MACF1: variants seen among roughly 807,000 people sequenced by gnomAD.
MACF1 encodes microtubule actin crosslinking factor 1, also known as microtubule-actin cross-linking factor 1.
In MACF1, 193 loss-of-function variants were observed where a neutral mutation model predicts 854.8. That is an observed-to-expected ratio of 0.23 (90% CI 0.20 to 0.25). The LOEUF is 0.25. Among genes scored for constraint, MACF1 ranks in the 10% least tolerant of loss-of-function variants. MACF1 has a pLI of 1.00. For missense variants in MACF1, 7,722 were observed against 8,929.1 expected, an observed-to-expected ratio of 0.86 and a Z score of 5.45; for synonymous variants, 3,185 against 3,226.7, an observed-to-expected ratio of 0.99 and a Z score of 0.44.
chr1:39,420,730 T>C (rs796961578), intron 58 of MACF1, among the ~76,000 whole-genome samples: 11 of 152,186 alleles, frequency 7.2e-5, no homozygotes, highest in African/African-American at 1.9e-4. Context: ...ATATTTATTT[T>C]TGTCCTCTTC....
intron 52 of MACF1, among the ~76,000 whole-genome samples, chr1:39,376,506 C>T (rs1235849432): frequency 6.6e-6 from 1 of 152,156 alleles, no homozygotes; most frequent in Non-Finnish European, 1.5e-5. Flanking sequence ...TTAAATCCTG[C>T]AGAATAAACT....
Position 39,357,882 on chromosome 1 carries a change from C to T in MACF1, c.11932C>T (p.Leu3978Phe), listed in dbSNP as rs1647721388. The T allele has an allele frequency of 1.2e-6, 2 of 1,610,506 alleles. No homozygotes were observed. Among genetic ancestry groups the T allele is most frequent in the Non-Finnish European group, 1.7e-6 (2 of 1,178,266 alleles). The change falls in exon 45 of 101, where the codon CTC (leucine) becomes TTC (phenylalanine). Residue 3978 changes from leucine (L) to phenylalanine (F), a missense_variant. Physicochemically the swap from Leu to Phe is conservative, Grantham distance 22. Around this residue, in one of 15 missense-constraint regions of MACF1, gnomAD observed 2,807 missense variants for 3,235.8 expected, o/e 0.87. Transcript: ENST00000564288. ...LKDATERYTA[L>F]HSKCTRLGSH... ...GGATGCAACAGAAAGATACACTGCT[C>T]TCCACTCAAAGGTAAGGGGGCAGTT... is the stretch of plus-strand genomic sequence containing the variant.
rs1271342866 is a variant in MACF1, at chr1:39,351,014, A to C, written c.11195A>C (p.Glu3732Ala). 1.9e-6 allele frequency: 3 copies of C among 1,612,144 alleles called. No homozygotes were observed. The highest frequency in any genetic ancestry group is 2.5e-6 in the Non-Finnish European group (3 of 1,178,510). ...AVTSALQQET[E>A]KSKAAKELAE... ...ACCTCCGCCTTACAGCAGGAGACTG[A>C]AAAGGTAATAGACTGCTATGACGCT... The change falls in exon 43 of 101, where the codon GAA becomes GCA. Residue 3732 changes from glutamate (E) to alanine (A), a missense_variant. Transcript: ENST00000564288.
chr1:39,477,090 T>TACAC (rs10563248), intron 97 of MACF1, among the ~76,000 whole-genome samples: 875 of 26,186 alleles, frequency 0.033, 20 homozygotes, highest in Non-Finnish European at 0.05. Context: ...TATATATATA[T>TACAC]ACACACACAC....
At chr1:39,212,774 C>T (rs1011497229) in intron 1 of MACF1, among the ~76,000 whole-genome samples, 1 of 152,136 alleles carries the variant, frequency 6.6e-6, no homozygotes, top group Non-Finnish European at 1.5e-5. Flanking sequence ...AGGCATGTGC[C>T]GCCATGCCCG....
chr1:39,461,236 T>A (rs1375137014), intron 92 of MACF1, among the ~76,000 whole-genome samples: 1 of 152,202 alleles, frequency 6.6e-6, no homozygotes, highest in African/African-American at 2.4e-5. Flanking sequence ...GACAATAATC[T>A]AAACATAGGA....
chr1:39,371,816 CT>C (rs570266079), intron 51 of MACF1, among the ~76,000 whole-genome samples: 255 of 137,640 alleles, frequency 1.9e-3, no homozygotes, highest in Middle Eastern at 3.6e-3. Context: ...TCTTTCTTTG[CT>C]TTTTTTTTTT....
At chr1:39,166,827 G>A (rs1643887817) in intron 2 of MACF1, among the ~76,000 whole-genome samples, 1 of 152,156 alleles carries the variant, frequency 6.6e-6, no homozygotes, top group African/African-American at 2.4e-5. Flanking sequence ...GGTGGGGAGA[G>A]ATAACTGGCA....
chr1:39,339,432 G>A (rs1646888990), intron 38 of MACF1, among the ~76,000 whole-genome samples: 1 of 152,192 alleles, frequency 6.6e-6, no homozygotes, highest in South Asian at 2.1e-4. Context: ...GCCACAGGGA[G>A]ATTGAGTACA....
At chr1:39,252,384 C>G (rs758815472) in intron 4 of MACF1, among the ~76,000 whole-genome samples, 3 of 152,092 alleles carry the variant, frequency 2.0e-5, no homozygotes, top group Admixed American at 6.6e-5. Context: ...TACACCCCGT[C>G]ATTTGTTTTC....
intron 1 of MACF1, among the ~76,000 whole-genome samples, chr1:39,217,353 C>T (rs1644589063): frequency 6.6e-6 from 1 of 151,474 alleles, no homozygotes; most frequent in Non-Finnish European, 1.5e-5. Flanking sequence ...TGGCTCACTG[C>T]AGCCTCCACC....
intron 40 of MACF1, among the ~76,000 whole-genome samples, chr1:39,343,407 A>G (rs548036286): frequency 2.0e-5 from 3 of 152,224 alleles, no homozygotes; most frequent in African/African-American, 4.8e-5. Flanking sequence ...TCCTCTTTTT[A>G]TACCCTTTAT....
chr1:39,333,802 A>G lies in MACF1; in HGVS notation c.7214A>G (p.Gln2405Arg), dbSNP rs775581440. 1 of 1,614,210 alleles carries G rather than the reference A, an allele frequency of 6.2e-7. No individual in the cohort carries two copies. Among genetic ancestry groups the G allele is most frequent in the East Asian group, 2.2e-5 (1 of 44,888 alleles). The change falls in exon 37 of 101, where the codon CAG becomes CGG. Residue 2405 changes from glutamine to arginine, a missense_variant. Around this residue, in one of 15 missense-constraint regions of MACF1, gnomAD observed 1,531 missense variants for 1,601.6 expected, o/e 0.96. Transcript: ENST00000564288. ...KETATRILER[Q>R]VVTGGIIDLK... ...ACAGCCACCAGAATTTTAGAGAGGCAGGTGGTGACTGGTGGAATTATTGAT... is the reference window on the plus strand; with the variant it reads ...ACAGCCACCAGAATTTTAGAGAGGCGGGTGGTGACTGGTGGAATTATTGAT...
At chr1:39,140,559 T>G (rs539113948) in intron 2 of MACF1, among the ~76,000 whole-genome samples, 110 of 152,216 alleles carry the variant, frequency 7.2e-4, no homozygotes, top group African/African-American at 2.5e-3. Context: ...TAATAAACAT[T>G]TATTGAATTT....
At chr1:39,212,784 G>A (rs1254391107) in intron 1 of MACF1, among the ~76,000 whole-genome samples, 5 of 152,030 alleles carry the variant, frequency 3.3e-5, no homozygotes, top group East Asian at 1.9e-4. Flanking sequence ...CGCCATGCCC[G>A]GCTAATTTTT....
intron 2 of MACF1, among the ~76,000 whole-genome samples, chr1:39,147,059 C>T (rs970429651): frequency 6.6e-6 from 1 of 150,434 alleles, no homozygotes; most frequent in Non-Finnish European, 1.5e-5. Flanking sequence ...TCCTGTTCCT[C>T]TCCTCCTCCT....
At chr1:39,381,383 G>T (rs1345362229) in intron 55 of MACF1, among the ~76,000 whole-genome samples, 27 of 142,692 alleles carry the variant, frequency 1.9e-4, no homozygotes, top group South Asian at 4.5e-4. Flanking sequence ...TTTTTTGGGG[G>T]GGGGGACAGG....
chr1:39,449,746 AGGCT>A (rs1162220333), intron 84 of MACF1, among the ~76,000 whole-genome samples: 1 of 140,966 alleles, frequency 7.1e-6, no homozygotes, highest in Non-Finnish European at 1.5e-5. Context: ...TCTCTGGCCC[AGGCT>A]GGAGTGCAGA....
intron 58 of MACF1, chr1:39,410,545 G>A (rs1039383974): frequency 1.2e-6 from 2 of 1,614,018 alleles, no homozygotes; most frequent in Non-Finnish European, 1.7e-6. Flanking sequence ...TAAGAAGCTG[G>A]ATGAGAGGAT....
Sources: allele counts gnomAD v4.1 joint callset (sites outside exome capture counted in the v4.1 genomes callset), GRCh38; gene constraint gnomAD v4.1.1; regional missense constraint gnomAD v4.1.1; transcripts MANE v1.5; gene names NCBI Gene and HGNC (gene_info 2026-07-23, HGNC 2026-07-21).